TBC1D1: variants seen among roughly 807,000 people sequenced by gnomAD.
TBC1D1 encodes TBC1 domain family member 1.
A neutral mutation model predicts 125.6 loss-of-function variants in TBC1D1; 89 were observed. That is an observed-to-expected ratio of 0.71 (90% CI 0.60 to 0.85). The LOEUF (loss-of-function observed/expected upper bound fraction) is 0.85. Among genes scored for constraint, TBC1D1 ranks in the 40% least tolerant of loss-of-function variants. The pLI is 0.00. For synonymous variants in TBC1D1, 565 were observed against 564.1 expected (o/e 1.00, Z -0.02); for missense variants, 1,377 against 1,469.2 (o/e 0.94, Z 1.03).
At chr4:37,947,719 T>G (rs868235760) in intron 2 of TBC1D1, among the ~76,000 whole-genome samples, 1 of 152,136 alleles carries the variant, frequency 6.6e-6, no homozygotes, top group Admixed American at 6.5e-5. Flanking sequence ...CGCAAACTAA[T>G]GTTTAGTCAA....
chr4:38,126,215 G>A (rs1764624303), intron 18 of TBC1D1, among the ~76,000 whole-genome samples: 1 of 152,094 alleles, frequency 6.6e-6, no homozygotes, highest in African/African-American at 2.4e-5. Flanking sequence ...ACATAGAAAA[G>A]GTACAATAAA....
chr4:37,991,883 GGGGGTGACAAAGAATATTCCA>G (rs1218112805), intron 2 of TBC1D1, among the ~76,000 whole-genome samples: 1 of 152,190 alleles, frequency 6.6e-6, no homozygotes, highest in Admixed American at 6.5e-5. Context: ...GTCCCATCCA[GGGGGTGACAAAGAATATTCCA>G]GGTGGAAGAA....
Position 38,137,196 on chromosome 4 carries a change from G to A in TBC1D1, c.3368G>A (p.Ser1123Asn). The change falls in exon 20 of 20, where the codon AGC becomes AAC. Residue 1123 changes from serine to asparagine, a missense_variant. Transcript: ENST00000261439. ...ATTGAGAAGCTCCTGAGCAGTGAGA[G>A]CAAGCTGAAGCAGGCCATGCTTACC... 6.2e-7 allele frequency: 1 copy of A among 1,613,226 alleles called. No homozygotes were observed. Among genetic ancestry groups the A allele is most frequent in the Non-Finnish European group, 8.5e-7 (1 of 1,180,042 alleles).
intron 2 of TBC1D1, among the ~76,000 whole-genome samples, chr4:37,909,795 A>C (rs1353747257): frequency 1.3e-5 from 2 of 152,144 alleles, no homozygotes; most frequent in Non-Finnish European, 2.9e-5. Context: ...CTTTAATCCC[A>C]GCCTGATTTA....
chr4:38,088,107 C>A (rs563974155), intron 12 of TBC1D1, among the ~76,000 whole-genome samples: 1 of 151,784 alleles, frequency 6.6e-6, no homozygotes, highest in Non-Finnish European at 1.5e-5. Flanking sequence ...GAACTTTAAT[C>A]ACAGCTGCAG....
intron 2 of TBC1D1, among the ~76,000 whole-genome samples, chr4:37,950,759 CTTT>C (rs35602268): frequency 1.5e-5 from 2 of 137,824 alleles, no homozygotes; most frequent in Non-Finnish European, 1.6e-5. Flanking sequence ...CATGTAGTCA[CTTT>C]TTTTTTTTTT....
At chr4:38,037,640 G>C (rs55887973) in intron 8 of TBC1D1, among the ~76,000 whole-genome samples, 14,317 of 152,188 alleles carry the variant, frequency 0.094, 892 homozygotes, top group Non-Finnish European at 0.13. Flanking sequence ...TTGAAAATGT[G>C]GGAAGATGTG....
intron 12 of TBC1D1, among the ~76,000 whole-genome samples, chr4:38,071,946 G>T (rs1325566742): frequency 6.6e-6 from 1 of 152,200 alleles, no homozygotes; most frequent in Non-Finnish European, 1.5e-5. Context: ...TCTAGGGTCA[G>T]CACCTGGTGT....
At chr4:38,024,372 T>G (rs1305880649) in intron 6 of TBC1D1, among the ~76,000 whole-genome samples, 4 of 152,184 alleles carry the variant, frequency 2.6e-5, no homozygotes, top group Non-Finnish European at 5.9e-5. Flanking sequence ...CAGAGCACGA[T>G]CTGCAGGAAC....
intron 11 of TBC1D1, among the ~76,000 whole-genome samples, chr4:38,051,598 A>G (rs1183453946): frequency 6.6e-6 from 1 of 152,092 alleles, no homozygotes; most frequent in East Asian, 1.9e-4. Context: ...TGATCGTGCT[A>G]CCGCACTCCA....
chr4:37,928,604 A>T (rs144311542), intron 2 of TBC1D1, among the ~76,000 whole-genome samples: 1 of 152,206 alleles, frequency 6.6e-6, no homozygotes, highest in East Asian at 1.9e-4. Context: ...CAGCCCTTGC[A>T]GTGGGTATAC....
intron 2 of TBC1D1, among the ~76,000 whole-genome samples, chr4:37,983,321 G>T (rs916362012): frequency 4.0e-5 from 6 of 151,846 alleles, no homozygotes; most frequent in African/African-American, 1.5e-4. Flanking sequence ...CACCATGTTG[G>T]CCAGGATGGT....
At chr4:38,004,527 TTC>T (rs1739704816) in intron 2 of TBC1D1, among the ~76,000 whole-genome samples, 1 of 152,220 alleles carries the variant, frequency 6.6e-6, no homozygotes, top group South Asian at 2.1e-4. Context: ...ATCTTGTACT[TTC>T]TTTTTGTACA....
chr4:38,097,979 A>G (rs996038389), intron 14 of TBC1D1, among the ~76,000 whole-genome samples: 2 of 152,256 alleles, frequency 1.3e-5, no homozygotes, highest in Admixed American at 1.3e-4. Context: ...TTAGGGCCAC[A>G]GAGCTGGGTT....
intron 12 of TBC1D1, 33 bp from the exon 15 acceptor site, chr4:38,089,899 A>G: frequency 1.3e-6 from 2 of 1,533,358 alleles, no homozygotes; most frequent in Non-Finnish European, 1.7e-6. Context: ...TTGTTGAAAA[A>G]TGACAATTCT....
intron 2 of TBC1D1, among the ~76,000 whole-genome samples, chr4:37,927,207 G>A (rs1256786958): frequency 6.6e-6 from 1 of 152,072 alleles, no homozygotes; most frequent in Non-Finnish European, 1.5e-5. Flanking sequence ...GAGGCGGGAA[G>A]AGATCACTTA....
intron 2 of TBC1D1, among the ~76,000 whole-genome samples, chr4:37,985,708 C>T (rs1735301506): frequency 6.6e-6 from 1 of 152,132 alleles, no homozygotes. Flanking sequence ...AAGTTAATGG[C>T]ATGTGTGGTA....
chr4:38,020,562 C>A (rs374149269), intron 4 of TBC1D1, 29 bp from the exon 5 acceptor site: 5 of 1,586,456 alleles, frequency 3.2e-6, no homozygotes, highest in Non-Finnish European at 4.3e-6. Flanking sequence ...CTGGATACAA[C>A]TGAACATCTC....
In TBC1D1 at chr4:38,045,851, T is replaced by C. The variant is rs1191686114; in HGVS notation, c.1577T>C (p.Ile526Thr). 8.7e-6 allele frequency: 14 copies of C among 1,614,180 alleles called. No homozygotes were observed. The highest frequency in any genetic ancestry group is 9.3e-6 in the Non-Finnish European group (11 of 1,180,024). The change falls in exon 10 of 20, where the codon ATC becomes ACC. Residue 526 changes from isoleucine (I) to threonine (T), a missense_variant. Coordinates refer to ENST00000261439, the MANE Select transcript of TBC1D1 (RefSeq NM_015173.4). ...GCCAGAGGCCTGCAGGAACACTCCA[T>C]CAGTGTGGATCTGGATAGCTCCCTG...
Sources: gnomAD v4.1 joint callset for allele counts (sites outside exome capture counted in the v4.1 genomes callset) on GRCh38, gnomAD v4.1.1 for gene constraint, MANE v1.5 for transcripts, NCBI Gene and HGNC (gene_info 2026-07-23, HGNC 2026-07-21) for gene names.